Variants in PECR observed in about 807,000 individuals in gnomAD.
PECR encodes peroxisomal trans-2-enoyl-CoA reductase.
In PECR, 30 loss-of-function variants were observed where a neutral mutation model predicts 35.3. The observed-to-expected ratio is 0.85, with a 90% CI of 0.64 to 1.15. The LOEUF is 1.15. Among genes scored for constraint, PECR ranks in the 50% most tolerant of loss-of-function variants. The pLI is 0.00. For missense variants in PECR, 392 were observed against 370.8 expected (o/e 1.06, Z -0.47); for synonymous variants, 148 against 138.9 (o/e 1.07, Z -0.46).
rs139868782 is a variant in PECR at position 216,044,628 on chromosome 2, A to G, written c.715-613T>C. On this transcript the variant is annotated intron_variant, in intron 6 of 7. Transcript: ENST00000265322. ...GAGGTGGGAGCATTGCGTGGGCCTA[A>G]GAGGTTGCAGTGAGCCAAGACTGCA... is the stretch of plus-strand genomic sequence containing the variant. Among the ~76,000 whole-genome samples, 687 of 152,172 alleles carry G rather than the reference A, an allele frequency of 4.5e-3. 7 individuals carry two copies. Among genetic ancestry groups the G allele is most frequent in the African/African-American group, 0.016 (658 of 41,506 alleles).
chr2:216,047,208 A>T (rs1695013067), intron 6 of PECR, among the ~76,000 whole-genome samples: 1 of 151,652 alleles, frequency 6.6e-6, no homozygotes, highest in Non-Finnish European at 1.5e-5. Context: ...TGGTGAGCCG[A>T]GATCGTGCCA....
At chr2:216,065,062 T>A (rs561600813) in intron 3 of PECR, 1 of 516,548 alleles carries the variant, frequency 1.9e-6, no homozygotes, top group African/African-American at 1.9e-5. Flanking sequence ...AATAGCTAAA[T>A]CTATGTACAG....
chr2:216,057,228 C>G (rs1261667180), intron 4 of PECR, among the ~76,000 whole-genome samples: 1 of 152,098 alleles, frequency 6.6e-6, no homozygotes, highest in Non-Finnish European at 1.5e-5. Context: ...GAAAATGTTA[C>G]TTACTGCAGG....
chr2:216,078,408 G>A (rs1695755910), intron 1 of PECR, among the ~76,000 whole-genome samples: 1 of 152,018 alleles, frequency 6.6e-6, no homozygotes, highest in South Asian at 2.1e-4. Flanking sequence ...CAAGGGGGAT[G>A]GATCATAAGG....
chr2:216,078,018 G>A (rs1428724801), intron 1 of PECR, among the ~76,000 whole-genome samples: 8 of 136,746 alleles, frequency 5.9e-5, no homozygotes, highest in East Asian at 2.7e-4. Context: ...TGTATTTTTC[G>A]TTAAAAAAAA....
At chr2:216,036,055 C>T (rs1009378476), downstream of PECR, among the ~76,000 whole-genome samples, 1 of 152,204 alleles carries the variant, frequency 6.6e-6, no homozygotes, top group South Asian at 2.1e-4. Context: ...TATCTGGGGG[C>T]TATAGAAAGC....
rs539172721 is a variant in PECR, at chr2:216,074,242, C to T, written c.124+7376G>A. 2.0e-5 allele frequency among the ~76,000 whole-genome samples: 3 copies of T among 152,228 alleles called. No homozygotes were observed. The East Asian group carries it at 5.8e-4, about 29-fold the overall frequency. ...GGTGGATCGCTTGTATTCAGGACTT[C>T]AAGACCAGCCTGGGCATCATGGTGA... On this transcript the variant is annotated intron_variant, in intron 1 of 7. Transcript: ENST00000265322.
At chr2:216,036,811 G>A (rs934155), downstream of PECR, among the ~76,000 whole-genome samples, 27,838 of 152,138 alleles carry the variant, frequency 0.18, 3,038 homozygotes, top group Non-Finnish European at 0.25. Context: ...CTGGGCACCT[G>A]CTTTTCAGAG....
At chr2:216,030,940 TCTCTCTCTCTCTCTCTCA>T (rs1188495096) in intron 7 of PECR, among the ~76,000 whole-genome samples, 1,631 of 72,436 alleles carry the variant, frequency 0.023, 9 homozygotes, top group African/African-American at 0.041. Flanking sequence ...TCTCTCTCTC[TCTCTCTCTCTCTCTCTCA>T]CACACACACA....
In PECR at chr2:216,031,441, GAA is replaced by G. The variant is rs752031220; in HGVS notation, c.*440+7748_*440+7749del. On this transcript the variant is annotated intron_variant and NMD_transcript_variant, in intron 7 of 7. Transcript: ENST00000442122. Reference sequence around the variant, plus strand: ...GGAAGAAAGAAAGAAAAGAAAGAAAGAAAAAGAAAGAAAGAGAGAAAGAAAGA... The same window carrying G: ...GGAAGAAAGAAAGAAAAGAAAGAAAGAAAGAAAGAAAGAGAGAAAGAAAGA... Among the ~76,000 whole-genome samples the G allele has an allele frequency of 8.0e-3, 953 of 119,096 alleles. 5 individuals carry two copies. Among genetic ancestry groups the G allele is most frequent in the African/African-American group, 0.025 (781 of 31,136 alleles). 78.1% of individuals were successfully genotyped at this position (119,096 alleles called of 152,430 possible). A position where few individuals can be genotyped will look rare whatever the true frequency, so the allele number is the denominator to read the frequency against.
intron 6 of PECR, 93 bp downstream of exon 6, chr2:216,049,170 A>G: frequency 2.6e-6 from 2 of 776,412 alleles, no homozygotes; most frequent in Admixed American, 1.7e-5. Flanking sequence ...TGGGAGAAAT[A>G]ATGTCGTCCA....
At chr2:216,034,589 G>A (rs1394448299), downstream of PECR, among the ~76,000 whole-genome samples, 4 of 152,088 alleles carry the variant, frequency 2.6e-5, no homozygotes, top group Admixed American at 2.6e-4. Flanking sequence ...CTATTCAGGA[G>A]TGGCCCCGTG....
intron 1 of PECR, 100 bp downstream of exon 1, chr2:216,081,518 T>G: frequency 6.8e-7 from 1 of 1,468,850 alleles, no homozygotes; most frequent in Admixed American, 1.7e-5. Flanking sequence ...GCTCTGCAGC[T>G]CCACACTCCC....
In PECR at chr2:216,039,095, ACT is replaced by A. The variant is rs1434356107; in HGVS notation, c.*178_*179del. ...ACATTTTTAAATCATAGGTTAAAAG[ACT>A]CTGATTGGGACATAAGACTGTATAT... On this transcript the variant is annotated 3_prime_UTR_variant, in exon 8 of 8. Transcript: ENST00000265322. 1.5e-5 allele frequency: 8 copies of A among 529,670 alleles called. No homozygotes were observed. The highest frequency in any genetic ancestry group is 2.3e-5 in the South Asian group (1 of 43,620). The allele number at this position is 529,670 out of a possible 1,614,324, so 32.8% of individuals were successfully genotyped here.
At position 216,043,820 on chromosome 2, in the gene PECR, T is replaced by C. The variant is rs1188760267; in HGVS notation, c.826+84A>G. The C allele has an allele frequency of 6.8e-6, 5 of 739,368 alleles. No homozygotes were observed. In the Admixed American group the frequency reaches 9.9e-5, roughly 15 times the overall value. The allele number at this position is 739,368 out of a possible 1,614,324, so 45.8% of individuals were successfully genotyped here. The stretch of plus-strand genomic sequence containing the variant: ...TTCTATAAGAGAGCACCCTCATCTC[T>C]TAAGTAACTACTTATAATAAATTTT... On this transcript the variant is annotated intron_variant, in intron 7 of 7. Transcript: ENST00000265322.
At chr2:216,074,470 AAGAG>A (rs1157025620) in intron 1 of PECR, among the ~76,000 whole-genome samples, 5 of 150,034 alleles carry the variant, frequency 3.3e-5, no homozygotes, top group South Asian at 2.1e-4. Context: ...AAAAGAAAGA[AAGAG>A]AGAGAGAAAG....
At chr2:216,043,248 C>T (rs1694931006) in intron 7 of PECR, among the ~76,000 whole-genome samples, 1 of 151,884 alleles carries the variant, frequency 6.6e-6, no homozygotes, top group African/African-American at 2.4e-5. Flanking sequence ...GCTGGGACTA[C>T]AGGCACCCGC....
chr2:216,036,561 C>T (rs188537655), downstream of PECR, among the ~76,000 whole-genome samples: 4 of 152,308 alleles, frequency 2.6e-5, no homozygotes, highest in East Asian at 1.9e-4. Context: ...ACCCACTGAG[C>T]GCCTGCTGGT....
At chr2:216,071,453 A>G (rs1284576706) in intron 1 of PECR, among the ~76,000 whole-genome samples, 1 of 152,216 alleles carries the variant, frequency 6.6e-6, no homozygotes, top group East Asian at 1.9e-4. Context: ...AGCAAAGAAA[A>G]AAAATCATTA....
Sources: gnomAD v4.1 joint callset for allele counts (sites outside exome capture counted in the v4.1 genomes callset) on GRCh38, gnomAD v4.1.1 for gene constraint, MANE v1.5 for transcripts, NCBI Gene and HGNC (gene_info 2026-07-23, HGNC 2026-07-21) for gene names.